The following VBP1 variants were observed in gnomAD, a reference collection of about 807,000 sequenced individuals.
VBP1 encodes VHL binding protein 1, also known as prefoldin subunit 3.
Under a neutral mutation model 15.5 loss-of-function variants are expected in VBP1, and 4 were observed. The observed-to-expected ratio is 0.26, with a 90% confidence interval of 0.13 to 0.59. The LOEUF (loss-of-function observed/expected upper bound fraction) is 0.59. Among genes scored for constraint, VBP1 ranks in the 20% least tolerant of loss-of-function variants. The pLI, the probability that VBP1 is intolerant of heterozygous loss-of-function variation, is 0.90. For missense variants in VBP1, 108 were observed against 139.6 expected (o/e 0.77, Z 1.14); for synonymous variants, 61 against 52.1 (o/e 1.17, Z -0.74).
chrX:155,230,538 A>C (rs1380600140), intron 4 of VBP1, among the ~76,000 whole-genome samples: 1 of 111,784 alleles, frequency 8.9e-6, no homozygotes, highest in African/African-American at 3.3e-5. Context: ...CACAGTGGTC[A>C]GATTAATCCT....
chrX:155,200,026 T>C (rs1433147367), intron 1 of VBP1, among the ~76,000 whole-genome samples: 1 of 101,746 alleles, frequency 9.8e-6, no homozygotes, highest in Non-Finnish European at 2.0e-5. Context: ...CATTACATAA[T>C]GGTAAAGGGA....
Position 155,220,247 on chromosome X carries a change from T to A in VBP1, c.158T>A (p.Leu53Gln). 8.3e-7 allele frequency: 1 copy of A among 1,200,765 alleles called. No individual in the cohort carries two copies. Among genetic ancestry groups the A allele is most frequent in the Non-Finnish European group, 1.1e-6 (1 of 889,660 alleles). The change falls in exon 2 of 6, where the codon CTG (leucine) becomes CAG (glutamine). Residue 53 changes from leucine to glutamine, a missense_variant. Leu to Gln is a moderately radical substitution (Grantham distance 113). Coordinates refer to ENST00000286428, the MANE Select transcript of VBP1 (RefSeq NM_003372.7). The part of the protein sequence containing the change: ...NETADTVLKK[L>Q]DEQYQKYKFM... The stretch of plus-strand genomic sequence containing the variant: ...ACTGCAGATACAGTATTAAAGAAGC[T>A]GGATGAACAGTACCAGAAGTATAAG...
chrX:155,227,065 T>TATAAATGG, intron 2 of VBP1, 170 bp from the exon 3 acceptor site: 1 of 166,554 alleles, frequency 6.0e-6, no homozygotes, highest in East Asian at 1.4e-4. Context: ...ATTTTATTTT[T>TATAAATGG]ATAAATATTT....
chrX:155,223,243 G>C (rs1318922208), intron 2 of VBP1, among the ~76,000 whole-genome samples: 2 of 99,406 alleles, frequency 2.0e-5, no homozygotes, highest in Non-Finnish European at 2.0e-5. Flanking sequence ...GTGTTTCTCG[G>C]AGAGGGGGAT....
At chrX:155,214,190 A>G (rs1432794977), upstream of VBP1, among the ~76,000 whole-genome samples, 4 of 112,642 alleles carry the variant, frequency 3.6e-5, no homozygotes, top group Non-Finnish European at 5.6e-5. Context: ...TGATCCAAGT[A>G]CCAATATAAA....
At chrX:155,227,012 A>G (rs2124085137) in intron 2 of VBP1, 1 of 129,855 alleles carries the variant, frequency 7.7e-6, no homozygotes, top group East Asian at 2.2e-4. Flanking sequence ...TTTTATGAAT[A>G]TTTTACTAAA....
chrX:155,215,144 A>G (rs1557308892), upstream of VBP1, among the ~76,000 whole-genome samples: 1 of 111,879 alleles, frequency 8.9e-6, no homozygotes, highest in Non-Finnish European at 1.9e-5. Flanking sequence ...TAATATAGAT[A>G]GGGATCAGTG....
chrX:155,227,373 T>C (rs1246945105), intron 3 of VBP1, 72 bp downstream of exon 3: 4 of 767,209 alleles, frequency 5.2e-6, no homozygotes, highest in Non-Finnish European at 7.5e-6. Context: ...CTTTGACTCT[T>C]TGGTCACTGA....
intron 2 of VBP1, among the ~76,000 whole-genome samples, chrX:155,221,256 C>T (rs782626311): frequency 1.2e-3 from 131 of 111,016 alleles, no homozygotes; most frequent in African/African-American, 3.8e-3. Flanking sequence ...TGCTTGAGCC[C>T]GGGAGGCGAA....
intron 1 of VBP1, 131 bp downstream of exon 1, chrX:155,216,706 C>A (rs1019731399): frequency 6.6e-6 from 6 of 906,975 alleles, no homozygotes; most frequent in Non-Finnish European, 9.1e-6. Flanking sequence ...GCTCGGTCTG[C>A]TCTCACCCCT....
chrX:155,201,340 A>G (rs2074602912), intron 1 of VBP1, among the ~76,000 whole-genome samples: 1 of 105,931 alleles, frequency 9.4e-6, no homozygotes, highest in Non-Finnish European at 1.9e-5. Flanking sequence ...TCCTTGATGA[A>G]CATTGATGCA....
rs2074664478 is a variant in VBP1, at chrX:155,216,496, A to G, written c.14A>G (p.Lys5Arg). Reference sequence around the variant, plus strand: ...CGCATCCCCAAGATGGCGGCCGTTAAGGACAGTTGTGGCAAAGGAGAAATG... The same window carrying G: ...CGCATCCCCAAGATGGCGGCCGTTAGGGACAGTTGTGGCAAAGGAGAAATG... The part of the protein sequence containing the change: MAAV[K>R]DSCGKGEMAT... The change falls in exon 1 of 6, where the codon AAG becomes AGG. Residue 5 changes from lysine (K) to arginine (R), a missense_variant. By Grantham distance (26) the Lys-to-Arg change is conservative (BLOSUM62 2). Coordinates refer to ENST00000286428, the MANE Select transcript of VBP1 (RefSeq NM_003372.7). 8.6e-7 allele frequency: 1 copy of G among 1,168,621 alleles called. No homozygotes were observed.
chrX:155,231,912 C>T (rs1306725400), intron 4 of VBP1, among the ~76,000 whole-genome samples: 1 of 111,316 alleles, frequency 9.0e-6, no homozygotes, highest in Non-Finnish European at 1.9e-5. Context: ...CACATATAGA[C>T]TTGTATACAA....
chrX:155,202,206 A>G (rs1173130701), intron 1 of VBP1, among the ~76,000 whole-genome samples: 2 of 111,822 alleles, frequency 1.8e-5, no homozygotes, highest in Non-Finnish European at 3.8e-5. Flanking sequence ...TATAGATTCA[A>G]TGCCATCCCC....
chrX:155,226,017 C>T (rs782239529), intron 2 of VBP1, among the ~76,000 whole-genome samples: 5 of 111,840 alleles, frequency 4.5e-5, no homozygotes, highest in African/African-American at 1.3e-4. Context: ...TTTTATGTGA[C>T]GCAATAAGTT....
intron 4 of VBP1, among the ~76,000 whole-genome samples, chrX:155,231,004 T>C (rs782425600): frequency 8.9e-6 from 1 of 112,310 alleles, no homozygotes; most frequent in African/African-American, 3.2e-5. Context: ...ACTTCCTCGC[T>C]TGGCCACACT....
At chrX:155,224,602 G>A (rs782496495) in intron 2 of VBP1, among the ~76,000 whole-genome samples, 4 of 111,860 alleles carry the variant, frequency 3.6e-5, no homozygotes, top group East Asian at 2.8e-4. Flanking sequence ...CAAAGAGGGC[G>A]AGGGCGAGGG....
chrX:155,200,544 A>G (rs1602863746), intron 1 of VBP1, among the ~76,000 whole-genome samples: 2 of 110,903 alleles, frequency 1.8e-5, no homozygotes, highest in East Asian at 5.6e-4. Context: ...AGAAATAAAG[A>G]TGTTCTTTAA....
At chrX:155,216,966 G>A (rs2074668201) in intron 1 of VBP1, among the ~76,000 whole-genome samples, 1 of 112,293 alleles carries the variant, frequency 8.9e-6, no homozygotes. Context: ...ACAATGAATA[G>A]GCAGAACAGC....
Sources: gnomAD v4.1 joint callset for allele counts (sites outside exome capture counted in the v4.1 genomes callset) on GRCh38, gnomAD v4.1.1 for gene constraint, MANE v1.5 for transcripts, NCBI Gene and HGNC (gene_info 2026-07-23, HGNC 2026-07-21) for gene names.